The following MAGI1 variants were observed in gnomAD, a reference collection of about 807,000 sequenced individuals.
MAGI1 encodes membrane associated guanylate kinase, WW and PDZ domain containing 1.
A neutral mutation model predicts 139.9 loss-of-function variants in MAGI1; 58 were observed. The observed-to-expected ratio is 0.41, with a 90% CI of 0.34 to 0.52. MAGI1 has a LOEUF of 0.52. Ranked by LOEUF, MAGI1 falls within the 20% of genes least tolerant of loss-of-function variation. The probability of loss-of-function intolerance (pLI) is 0.12; values close to 1 mark genes in which losing one functional copy is unlikely to be tolerated. For synonymous variants in MAGI1, 812 were observed against 737.9 expected (o/e 1.10, Z -1.63); for missense variants, 1,874 against 1,901.6 (o/e 0.99, Z 0.27).
chr3:65,687,716 A>G lies in MAGI1; in HGVS notation c.314-65628T>C, dbSNP rs999208317. 32 of 531,384 alleles carry G rather than the reference A, an allele frequency of 6.0e-5. 1 individual carries two copies. Among genetic ancestry groups the G allele is most frequent in the Admixed American group, 5.3e-4 (27 of 51,138 alleles). 32.9% of individuals were successfully genotyped at this position (531,384 alleles called of 1,614,324 possible). On this transcript the variant is annotated intron_variant, in intron 1 of 22. Transcript: ENST00000402939. ...CTGGAAGCTGTTGCTGCCCTGGGAA[A>G]CAAAGTCGGGGGAAGCCTGAGAGCA...
In MAGI1 at chr3:65,448,037, G is replaced by T. The variant is rs746716247; in HGVS notation, c.1063C>A (p.Leu355Met). ...EDDEGVHTEE[L>M]DSELELPAGW... ...GAGGGTTTACCTAGTTCACTGTCCAGCTCCTCGGTGTGTACCCCTTCTTCT... is the reference window on the plus strand; with the variant it reads ...GAGGGTTTACCTAGTTCACTGTCCATCTCCTCGGTGTGTACCCCTTCTTCT... The change falls in exon 7 of 23, where the codon CTG becomes ATG. Residue 355 changes from leucine to methionine, a missense_variant. Physicochemically the swap from Leu to Met is conservative, Grantham distance 15. Coordinates refer to ENST00000402939, the MANE Select transcript of MAGI1 (RefSeq NM_001033057.2). 3 of 1,614,084 alleles carry T rather than the reference G, an allele frequency of 1.9e-6. No homozygotes were observed. The highest frequency in any genetic ancestry group is 2.5e-6 in the Non-Finnish European group (3 of 1,179,990).
chr3:65,732,617 T>G (rs919152705), intron 1 of MAGI1, among the ~76,000 whole-genome samples: 1 of 152,240 alleles, frequency 6.6e-6, no homozygotes, highest in Non-Finnish European at 1.5e-5. Flanking sequence ...TTGAATAGAA[T>G]GAGGATTCCT....
At chr3:65,867,178 C>T (rs2059758404) in intron 1 of MAGI1, among the ~76,000 whole-genome samples, 1 of 152,134 alleles carries the variant, frequency 6.6e-6, no homozygotes, top group African/African-American at 2.4e-5. Flanking sequence ...AGTTACCAGG[C>T]CCAGAGTAAG....
At chr3:65,582,325 G>A (rs1034006251) in intron 2 of MAGI1, among the ~76,000 whole-genome samples, 4 of 152,294 alleles carry the variant, frequency 2.6e-5, no homozygotes, top group African/African-American at 9.6e-5. Context: ...CAGCACATAG[G>A]AAGAGCACCA....
intron 3 of MAGI1, among the ~76,000 whole-genome samples, chr3:65,491,095 T>G (rs1026683985): frequency 7.9e-5 from 12 of 152,136 alleles, no homozygotes; most frequent in Non-Finnish European, 1.6e-4. Flanking sequence ...GGAAGTTAGC[T>G]TCAAGTACTA....
intron 1 of MAGI1, among the ~76,000 whole-genome samples, chr3:66,018,570 C>T (rs2067792102): frequency 6.6e-6 from 1 of 152,182 alleles, no homozygotes; most frequent in African/African-American, 2.4e-5. Flanking sequence ...GGCCAGTGAC[C>T]ACTGTAACCA....
chr3:65,678,789 CATCT>C (rs1164373244), intron 1 of MAGI1, among the ~76,000 whole-genome samples: 8 of 152,284 alleles, frequency 5.3e-5, no homozygotes, highest in Admixed American at 4.6e-4. Context: ...TTTGGCGTGA[CATCT>C]CTCTCCTACC....
intron 1 of MAGI1, among the ~76,000 whole-genome samples, chr3:65,847,990 T>C (rs2059067016): frequency 6.6e-6 from 1 of 152,162 alleles, no homozygotes; most frequent in South Asian, 2.1e-4. Context: ...GGCAACACAG[T>C]GAGACTTCAA....
At chr3:65,694,546 C>A (rs1447490601) in intron 1 of MAGI1, among the ~76,000 whole-genome samples, 2 of 152,190 alleles carry the variant, frequency 1.3e-5, no homozygotes, top group African/African-American at 4.8e-5. Context: ...CCTTGATAAG[C>A]CATCCTCAGG....
Position 66,023,425 on chromosome 3 carries a change from G to A in MAGI1, c.313+14571C>T, listed in dbSNP as rs2068066034. On this transcript the variant is annotated intron_variant, in intron 1 of 22. Coordinates refer to ENST00000402939, the MANE Select transcript of MAGI1 (RefSeq NM_001033057.2). ...ACTAAATTTCTCATCTGAATTACCT[G>A]AATCCCTTTCCTCATCCTAGTGCAG... 2.0e-5 allele frequency among the ~76,000 whole-genome samples: 3 copies of A among 152,158 alleles called. No homozygotes were observed. The South Asian group carries it at 6.2e-4, about 31-fold the overall frequency.
At chr3:65,716,119 T>C (rs1478481417) in intron 1 of MAGI1, among the ~76,000 whole-genome samples, 1 of 152,216 alleles carries the variant, frequency 6.6e-6, no homozygotes, top group African/African-American at 2.4e-5. Context: ...TTTAAAGGCA[T>C]CCTCTTGTCC....
At chr3:65,821,902 C>T (rs1365473523) in intron 1 of MAGI1, among the ~76,000 whole-genome samples, 1 of 152,134 alleles carries the variant, frequency 6.6e-6, no homozygotes, top group Non-Finnish European at 1.5e-5. Flanking sequence ...ACTAATAAAC[C>T]CTGAGACAAA....
intron 1 of MAGI1, among the ~76,000 whole-genome samples, chr3:65,658,027 A>G (rs1211391542): frequency 6.6e-6 from 1 of 152,216 alleles, no homozygotes; most frequent in Non-Finnish European, 1.5e-5. Flanking sequence ...CACACAGAAA[A>G]TAATTTGAGG....
At chr3:65,971,838 G>C (rs2065026053) in intron 1 of MAGI1, among the ~76,000 whole-genome samples, 1 of 152,172 alleles carries the variant, frequency 6.6e-6, no homozygotes, top group Non-Finnish European at 1.5e-5. Context: ...AACCAGTTAA[G>C]ATTTTTATTT....
intron 1 of MAGI1, among the ~76,000 whole-genome samples, chr3:65,877,186 C>G (rs891836800): frequency 1.3e-5 from 2 of 152,106 alleles, no homozygotes; most frequent in Non-Finnish European, 2.9e-5. Context: ...GGACCTTTTC[C>G]CATATGGGAT....
intron 2 of MAGI1, among the ~76,000 whole-genome samples, chr3:65,515,406 G>C (rs1576136350): frequency 6.8e-6 from 1 of 147,406 alleles, no homozygotes; most frequent in Non-Finnish European, 1.5e-5. Context: ...AAGCAAAACA[G>C]AAAATGAAAC....
At chr3:65,401,498 G>T (rs369982025) in intron 12 of MAGI1, 28 bp from the exon 13 acceptor site, 4 of 1,609,842 alleles carry the variant, frequency 2.5e-6, no homozygotes, top group Non-Finnish European at 3.4e-6. Context: ...AGGAGGGGAG[G>T]GGGGAAGAAA....
chr3:66,012,537 G>A (rs999693851), intron 1 of MAGI1, among the ~76,000 whole-genome samples: 4 of 152,082 alleles, frequency 2.6e-5, no homozygotes, highest in Non-Finnish European at 5.9e-5. Context: ...AGCCTGAGGC[G>A]AGTGGATCAC....
chr3:65,360,058 C>G, intron 22 of MAGI1: 1 of 985,412 alleles, frequency 1.0e-6, no homozygotes, highest in Admixed American at 6.1e-5. Flanking sequence ...CACCCTCCCC[C>G]TGTACCTCGG....
Sources: gnomAD v4.1 joint callset for allele counts (sites outside exome capture counted in the v4.1 genomes callset) on GRCh38, gnomAD v4.1.1 for gene constraint, MANE v1.5 for transcripts, NCBI Gene and HGNC (gene_info 2026-07-23, HGNC 2026-07-21) for gene names.